Variants in METAP1D observed in about 807,000 individuals in gnomAD.
METAP1D encodes the protein methionine aminopeptidase 1D, mitochondrial.
A neutral mutation model predicts 40.5 loss-of-function variants in METAP1D; 31 were observed. That is an observed-to-expected ratio of 0.77 (90% CI 0.58 to 1.03). The LOEUF (loss-of-function observed/expected upper bound fraction) is 1.03. Ranked by LOEUF, METAP1D falls within the 50% of genes least tolerant of loss-of-function variation. The pLI, the probability that METAP1D is intolerant of heterozygous loss-of-function variation, is 0.00. For missense variants in METAP1D, 411 were observed against 420.7 expected (o/e 0.98, Z 0.20); for synonymous variants, 151 against 146.4 (o/e 1.03, Z -0.22).
chr2:172,030,988 A>G (rs1689230871), intron 1 of METAP1D, among the ~76,000 whole-genome samples: 1 of 152,210 alleles, frequency 6.6e-6, no homozygotes, highest in South Asian at 2.1e-4. Context: ...TCAAGTACTC[A>G]TCATTTTTAA....
intron 1 of METAP1D, among the ~76,000 whole-genome samples, chr2:172,018,275 C>G (rs900560319): frequency 2.6e-5 from 4 of 152,096 alleles, no homozygotes; most frequent in Non-Finnish European, 5.9e-5. Context: ...CTTGCTGCCT[C>G]TCTTGTAGAT....
chr2:172,079,793 A>G (rs948763884), intron 8 of METAP1D, among the ~76,000 whole-genome samples: 20 of 152,208 alleles, frequency 1.3e-4, no homozygotes, highest in Non-Finnish European at 5.9e-5. Context: ...TTTTTTAAAA[A>G]TTGGTATTTA....
chr2:172,074,467 C>T (rs182307236), intron 6 of METAP1D, among the ~76,000 whole-genome samples: 5 of 152,272 alleles, frequency 3.3e-5, no homozygotes, highest in Admixed American at 2.0e-4. Context: ...TACTGCTTCT[C>T]TCTGCACATG....
rs1247736240 is a variant in METAP1D, at chr2:172,077,789, T to A, written c.705-8T>A. On this transcript the variant is annotated splice_polypyrimidine_tract_variant and splice_region_variant and intron_variant, in intron 6 of 9. Coordinates refer to ENST00000315796, the MANE Select transcript of METAP1D (RefSeq NM_199227.3). ...ATTTAATTAAATATTTTTTGGTCACTTTTAAAGCCACATAACTCATCAGAA... is the reference window on the plus strand; with the variant it reads ...ATTTAATTAAATATTTTTTGGTCACATTTAAAGCCACATAACTCATCAGAA... 3 of 1,541,318 alleles carry A rather than the reference T, an allele frequency of 1.9e-6. No individual in the cohort carries two copies. In the South Asian group the frequency reaches 3.6e-5, roughly 18 times the overall value.
At chr2:172,080,235 A>C in intron 9 of METAP1D, 29 bp downstream of exon 9, 4 of 1,613,974 alleles carry the variant, frequency 2.5e-6, no homozygotes, top group Non-Finnish European at 2.5e-6. Context: ...GTTGCTTTTA[A>C]ATTGTATGGG....
At chr2:172,015,668 A>C (rs1688836865) in intron 1 of METAP1D, among the ~76,000 whole-genome samples, 1 of 152,086 alleles carries the variant, frequency 6.6e-6, no homozygotes, top group Non-Finnish European at 1.5e-5. Flanking sequence ...CCTTTGAAAA[A>C]GTACATTGTG....
chr2:172,015,179 C>T (rs1245751524), intron 1 of METAP1D, among the ~76,000 whole-genome samples: 3 of 152,066 alleles, frequency 2.0e-5, no homozygotes, highest in Non-Finnish European at 4.4e-5. Context: ...CGTGGTGGCT[C>T]ACGCCTGTAA....
At chr2:172,003,036 C>T (rs909432026) in intron 1 of METAP1D, among the ~76,000 whole-genome samples, 1 of 152,084 alleles carries the variant, frequency 6.6e-6, no homozygotes, top group Non-Finnish European at 1.5e-5. Flanking sequence ...ATGTATCTTT[C>T]TGTCTTTATA....
chr2:172,080,396 ATGAGGCC>A lies in METAP1D; in HGVS notation c.1004_*2del, dbSNP rs780295026. On this transcript the variant is annotated frameshift_variant, in exon 10 of 10. Coordinates refer to ENST00000315796, the MANE Select transcript of METAP1D (RefSeq NM_199227.3). LOFTEE classifies it high-confidence loss of function. ...GCGCAGATCCTGACCAAACTACCCC[ATGAGGCC>A]TGAGGAGCCGCCCGAAGGTCGCGGT... is the stretch of plus-strand genomic sequence containing the variant. 4.3e-6 allele frequency: 7 copies of A among 1,614,012 alleles called. No homozygotes were observed. The South Asian group carries it at 7.7e-5, about 18-fold the overall frequency.
In METAP1D at chr2:172,079,238, G is replaced by C; in HGVS notation, c.826G>C (p.Glu276Gln). ...AGCAAACGACAGTGATCTACCCATGGAGGAGGGCATGGCATTCACTATAGG... is the reference window on the plus strand; with the variant it reads ...AGCAAACGACAGTGATCTACCCATGCAGGAGGGCATGGCATTCACTATAGG... ...HHANDSDLPMEEGMAFTIEPI... is the reference protein window; with the variant it reads ...HHANDSDLPMQEGMAFTIEPI... Residue 276 changes from glutamate (E) to glutamine (Q), a missense_variant, in exon 8 of 10, where the codon GAG becomes CAG. Physicochemically the swap from Glu to Gln is conservative, Grantham distance 29 (BLOSUM62 2). Transcript: ENST00000315796. 2 of 1,614,038 alleles carry C rather than the reference G, an allele frequency of 1.2e-6. No homozygotes were observed. The highest frequency in any genetic ancestry group is 1.7e-6 in the Non-Finnish European group (2 of 1,180,018).
intron 1 of METAP1D, 67 bp from the exon 2 acceptor site, chr2:172,061,431 A>G: frequency 1.4e-6 from 2 of 1,380,774 alleles, no homozygotes; most frequent in Non-Finnish European, 2.0e-6. Flanking sequence ...CAACACCACA[A>G]CATCTTAAAG....
At chr2:172,055,101 A>G (rs931322186) in intron 1 of METAP1D, among the ~76,000 whole-genome samples, 3 of 152,204 alleles carry the variant, frequency 2.0e-5, no homozygotes, top group African/African-American at 7.2e-5. Context: ...CTCTAAAAAC[A>G]TCAGATTAGT....
intron 1 of METAP1D, among the ~76,000 whole-genome samples, chr2:172,002,186 GA>G (rs1286251976): frequency 1.3e-5 from 2 of 151,252 alleles, no homozygotes; most frequent in African/African-American, 2.4e-5. Flanking sequence ...GATCTGAGGA[GA>G]TAGTCAATGT....
At position 172,013,175 on chromosome 2, in the gene METAP1D, G is replaced by A. The variant is rs573466188; in HGVS notation, c.40+13166G>A. 2.6e-5 allele frequency among the ~76,000 whole-genome samples: 4 copies of A among 152,278 alleles called. No individual in the cohort carries two copies. The South Asian group carries it at 6.2e-4, about 24-fold the overall frequency. The stretch of plus-strand genomic sequence containing the variant: ...CCCATCCAGGCCACAGAGCATTTCC[G>A]GGTGGCTTGTGTGTGCGCTCCGGCT... On this transcript the variant is annotated intron_variant, in intron 1 of 9. Coordinates refer to ENST00000315796, the MANE Select transcript of METAP1D (RefSeq NM_199227.3).
At chr2:172,029,801 C>A (rs956962582) in intron 1 of METAP1D, among the ~76,000 whole-genome samples, 2 of 152,230 alleles carry the variant, frequency 1.3e-5, no homozygotes, top group African/African-American at 4.8e-5. Context: ...GTTGCCCAGG[C>A]TAGAGTGCAG....
At chr2:172,035,314 G>A (rs1324193780) in intron 1 of METAP1D, among the ~76,000 whole-genome samples, 6 of 151,914 alleles carry the variant, frequency 3.9e-5, no homozygotes, top group South Asian at 2.1e-4. Context: ...GCAGGCGCCG[G>A]CCACCACGCC....
chr2:172,061,398 T>C, intron 1 of METAP1D, 100 bp from the exon 2 acceptor site: 1 of 1,047,938 alleles, frequency 9.5e-7, no homozygotes, highest in Non-Finnish European at 1.4e-6. Flanking sequence ...GTCAATAAGG[T>C]ATTAGAATAA....
chr2:172,042,880 A>T (rs1182634948), intron 1 of METAP1D, among the ~76,000 whole-genome samples: 12 of 114,010 alleles, frequency 1.1e-4, no homozygotes, highest in African/African-American at 3.1e-4. Flanking sequence ...TATGTGTGTA[A>T]ATATGTACAT....
intron 1 of METAP1D, among the ~76,000 whole-genome samples, chr2:172,001,098 G>A (rs902836523): frequency 2.6e-5 from 4 of 151,964 alleles, no homozygotes; most frequent in African/African-American, 9.7e-5. Flanking sequence ...TACTAAGGTC[G>A]CATAAATGGT....
Sources: allele counts gnomAD v4.1 joint callset (sites outside exome capture counted in the v4.1 genomes callset), GRCh38; gene constraint gnomAD v4.1.1; transcripts MANE v1.5; gene names NCBI Gene and HGNC (gene_info 2026-07-23, HGNC 2026-07-21).